The following CNTNAP2 variants were observed in gnomAD, a reference collection of about 807,000 sequenced individuals.
The protein encoded by CNTNAP2 is contactin associated protein 2.
In CNTNAP2, 98 loss-of-function variants were observed where a neutral mutation model predicts 155.2. That is an observed-to-expected ratio of 0.63 (90% CI 0.54 to 0.75). CNTNAP2 has a LOEUF of 0.75. Ranked by LOEUF, CNTNAP2 falls within the 30% of genes least tolerant of loss-of-function variation. CNTNAP2 has a pLI of 0.00. For missense variants in CNTNAP2, 1,727 were observed against 1,688.1 expected (o/e 1.02, Z -0.40); for synonymous variants, 651 against 631.2 (o/e 1.03, Z -0.47).
At chr7:147,669,098 C>G (rs1795745772) in intron 13 of CNTNAP2, among the ~76,000 whole-genome samples, 1 of 152,146 alleles carries the variant, frequency 6.6e-6, no homozygotes. Flanking sequence ...GAGCAATAGG[C>G]TATACCATAT....
At chr7:148,059,444 A>T (rs1803088582) in intron 15 of CNTNAP2, among the ~76,000 whole-genome samples, 1 of 151,868 alleles carries the variant, frequency 6.6e-6, no homozygotes, top group Non-Finnish European at 1.5e-5. Context: ...ATACAAAATT[A>T]TCCGGGTGTG....
chr7:148,371,534 A>G (rs1380004289), intron 21 of CNTNAP2, among the ~76,000 whole-genome samples: 1 of 152,224 alleles, frequency 6.6e-6, no homozygotes, highest in Non-Finnish European at 1.5e-5. Flanking sequence ...AGTTAATAAA[A>G]TGATTAAATG....
chr7:146,772,632 G>A (rs1467256694), intron 1 of CNTNAP2, among the ~76,000 whole-genome samples: 1 of 152,060 alleles, frequency 6.6e-6, no homozygotes, highest in African/African-American at 2.4e-5. Context: ...TGGCGCCACT[G>A]CACTCCAGCC....
intron 1 of CNTNAP2, among the ~76,000 whole-genome samples, chr7:146,728,678 T>G (rs1337189636): frequency 6.6e-5 from 10 of 151,762 alleles, no homozygotes; most frequent in African/African-American, 2.4e-4. Flanking sequence ...ATGTATTAAC[T>G]AGTAGAAAAA....
At chr7:146,913,831 C>T (rs542838978) in intron 3 of CNTNAP2, among the ~76,000 whole-genome samples, 1 of 151,466 alleles carries the variant, frequency 6.6e-6, no homozygotes, top group Non-Finnish European at 1.5e-5. Context: ...GTGGTGATTT[C>T]TGAGATTTTG....
intron 12 of CNTNAP2, among the ~76,000 whole-genome samples, chr7:147,596,218 C>A (rs990677571): frequency 6.6e-6 from 1 of 152,128 alleles, no homozygotes; most frequent in African/African-American, 2.4e-5. Context: ...CATACACACT[C>A]GTCTCTCTTT....
chr7:147,684,646 A>G (rs1795993009), intron 13 of CNTNAP2, among the ~76,000 whole-genome samples: 1 of 151,906 alleles, frequency 6.6e-6, no homozygotes. Flanking sequence ...CTTAATTGTT[A>G]CATATATTCA....
At chr7:146,640,727 C>G (rs1799690280) in intron 1 of CNTNAP2, among the ~76,000 whole-genome samples, 1 of 152,110 alleles carries the variant, frequency 6.6e-6, no homozygotes, top group South Asian at 2.1e-4. Context: ...TTGTTTGGTG[C>G]ATTTTTCTCT....
At chr7:146,376,026 G>T (rs1161509724) in intron 1 of CNTNAP2, among the ~76,000 whole-genome samples, 1 of 152,110 alleles carries the variant, frequency 6.6e-6, no homozygotes, top group African/African-American at 2.4e-5. Context: ...GCGTATAACT[G>T]CCACCAAATT....
At chr7:146,827,021 C>T (rs1479515281) in intron 2 of CNTNAP2, among the ~76,000 whole-genome samples, 4 of 151,734 alleles carry the variant, frequency 2.6e-5, no homozygotes, top group Admixed American at 6.6e-5. Flanking sequence ...AGATTTTTTT[C>T]AATTACAATT....
intron 1 of CNTNAP2, among the ~76,000 whole-genome samples, chr7:146,272,555 T>C (rs1333169762): frequency 1.3e-5 from 2 of 152,128 alleles, no homozygotes; most frequent in Non-Finnish European, 2.9e-5. Flanking sequence ...TTTGAAAAGG[T>C]TAAGATGTGA....
chr7:146,279,856 A>G (rs1054541012), intron 1 of CNTNAP2, among the ~76,000 whole-genome samples: 1 of 151,780 alleles, frequency 6.6e-6, no homozygotes, highest in African/African-American at 2.4e-5. Context: ...AAATATATAA[A>G]TAGGATATTA....
At chr7:147,337,777 T>C (rs1795689579) in intron 9 of CNTNAP2, among the ~76,000 whole-genome samples, 1 of 152,164 alleles carries the variant, frequency 6.6e-6, no homozygotes, top group Non-Finnish European at 1.5e-5. Context: ...TCTGAAGATT[T>C]ACATGGAGTA....
chr7:148,278,878 GA>G (rs1187721054), intron 21 of CNTNAP2, among the ~76,000 whole-genome samples: 1 of 152,240 alleles, frequency 6.6e-6, no homozygotes, highest in East Asian at 1.9e-4. Flanking sequence ...TTAACAAAGT[GA>G]GAAAGCTGGC....
intron 1 of CNTNAP2, among the ~76,000 whole-genome samples, chr7:146,426,370 G>A (rs533571790): frequency 3.8e-5 from 5 of 129,988 alleles, no homozygotes; most frequent in Non-Finnish European, 6.2e-5. Context: ...CTGTGTGCAC[G>A]TATGAAAACA....
intron 1 of CNTNAP2, among the ~76,000 whole-genome samples, chr7:146,665,783 T>TAAAAAAACAAAAAAAAAAAAAAACA (rs1554464843): frequency 2.1e-4 from 10 of 48,300 alleles, no homozygotes; most frequent in African/African-American, 9.0e-4. Flanking sequence ...TCTGTCTCAT[T>TAAAAAAACAAAAAAAAAAAAAAACA]AAAAAAAAAA....
intron 13 of CNTNAP2, among the ~76,000 whole-genome samples, chr7:147,787,206 C>T (rs777558842): frequency 7.9e-5 from 12 of 152,208 alleles, no homozygotes; most frequent in South Asian, 6.2e-4. Context: ...ATGTAAACAT[C>T]AGCACTGGTA....
At chr7:147,832,558 A>C (rs549172943) in intron 13 of CNTNAP2, among the ~76,000 whole-genome samples, 1,504 of 144,126 alleles carry the variant, frequency 0.01, 72 homozygotes, top group Admixed American at 0.083. Context: ...TATTATATTG[A>C]AATATATTAT....
chr7:146,358,206 T>C (rs1396617387), intron 1 of CNTNAP2, among the ~76,000 whole-genome samples: 1 of 151,960 alleles, frequency 6.6e-6, no homozygotes, highest in Admixed American at 6.6e-5. Context: ...GGCTAATTTT[T>C]TGTATTTTTA....
Sources: allele counts gnomAD v4.1 joint callset (sites outside exome capture counted in the v4.1 genomes callset), GRCh38; gene constraint gnomAD v4.1.1; transcripts MANE v1.5; gene names NCBI Gene and HGNC (gene_info 2026-07-23, HGNC 2026-07-21).